The following IGFL2 variants were observed in gnomAD, a reference collection of about 807,000 sequenced individuals.
IGFL2 encodes insulin growth factor-like family member 2.
IGFL2 carries 7 observed loss-of-function variants against 13.9 expected under a neutral mutation model. The ratio of observed to expected loss-of-function variants is 0.51; its 90% CI spans 0.29 to 0.95. The LOEUF is 0.95. Ranked by LOEUF, IGFL2 falls within the 40% of genes least tolerant of loss-of-function variation. IGFL2 has a pLI of 0.08. For synonymous variants in IGFL2, 55 were observed against 55.8 expected (o/e 0.99, Z 0.07); for missense variants, 138 against 147.8 (o/e 0.93, Z 0.34).
At chr19:46,177,101 T>C in the IGFL2 span, among the ~76,000 whole-genome samples, 97 of 145,556 alleles carry the variant, frequency 6.7e-4, 1 homozygote, top group Non-Finnish European at 1.4e-4. Context: ...TGTCCTCTAC[T>C]AAAAAAAAAA....
At chr19:46,145,144 G>T (rs1265045726), upstream of IGFL2, among the ~76,000 whole-genome samples, 1 of 152,136 alleles carries the variant, frequency 6.6e-6, no homozygotes, top group Non-Finnish European at 1.5e-5. Context: ...ATACACAGGA[G>T]TGTGAATGAT....
At chr19:46,160,978 G>A in intron 3 of IGFL2, 92 bp from the exon 4 acceptor site, 1 of 1,542,118 alleles carries the variant, frequency 6.5e-7, no homozygotes, top group Non-Finnish European at 8.9e-7. Flanking sequence ...AAGAGCCCTG[G>A]CCCTGTAGTC....
At chr19:46,087,557 A>T in the IGFL2 span, among the ~76,000 whole-genome samples, 1 of 152,196 alleles carries the variant, frequency 6.6e-6, no homozygotes. Context: ...TGGAATGCTC[A>T]GTTGAGGGCA....
At chr19:46,109,814 G>C in the IGFL2 span, among the ~76,000 whole-genome samples, 2,589 of 152,264 alleles carry the variant, frequency 0.017, 62 homozygotes, top group African/African-American at 0.057. Context: ...ATCAGTTAGG[G>C]TGGGGCAGGA....
At chr19:46,178,068 G>C in the IGFL2 span, among the ~76,000 whole-genome samples, 3 of 152,116 alleles carry the variant, frequency 2.0e-5, no homozygotes, top group Non-Finnish European at 2.9e-5. Context: ...CATGAGGTCA[G>C]GAGTTCGAGA....
chr19:46,160,154 C>T (rs1475878689), intron 1 of IGFL2: 4 of 501,710 alleles, frequency 8.0e-6, no homozygotes, highest in Non-Finnish European at 1.4e-5. Context: ...TGGTAAACTT[C>T]AGCATATTCT....
the IGFL2 span, among the ~76,000 whole-genome samples, chr19:46,168,916 A>ATG: frequency 0.36 from 52,880 of 145,232 alleles, 10,530 homozygotes; most frequent in Non-Finnish European, 0.47. Context: ...GTGTGTGTGT[A>ATG]TGTGTGTGTG....
chr19:46,179,048 G>A, the IGFL2 span, among the ~76,000 whole-genome samples: 1 of 152,174 alleles, frequency 6.6e-6, no homozygotes, highest in African/African-American at 2.4e-5. Flanking sequence ...GGAGAGACGA[G>A]GATAGGTGAG....
chr19:46,140,731 C>A (rs1191955073), upstream of IGFL2, among the ~76,000 whole-genome samples: 1 of 152,170 alleles, frequency 6.6e-6, no homozygotes. Context: ...GACCAGAAAC[C>A]CCTGTGGGAA....
At chr19:46,114,431 T>G in the IGFL2 span, among the ~76,000 whole-genome samples, 1 of 152,192 alleles carries the variant, frequency 6.6e-6, no homozygotes, top group Admixed American at 6.5e-5. Flanking sequence ...AGCCTTTACT[T>G]TCTTATTTGG....
chr19:46,171,200 G>C, the IGFL2 span, among the ~76,000 whole-genome samples: 1 of 152,066 alleles, frequency 6.6e-6, no homozygotes, highest in Non-Finnish European at 1.5e-5. Context: ...TTATTTCTCA[G>C]ACTGGCCGAC....
the IGFL2 span, among the ~76,000 whole-genome samples, chr19:46,083,858 G>A: frequency 2.7e-4 from 41 of 152,258 alleles, no homozygotes; most frequent in African/African-American, 6.7e-4. Flanking sequence ...TCTGATCCTC[G>A]GTTGTTTGGG....
the IGFL2 span, among the ~76,000 whole-genome samples, chr19:46,092,491 G>A: frequency 4.6e-5 from 7 of 152,012 alleles, no homozygotes; most frequent in Admixed American, 2.0e-4. Context: ...AATTAGCTGG[G>A]CTTGGTGATG....
the IGFL2 span, among the ~76,000 whole-genome samples, chr19:46,128,151 A>C: frequency 6.6e-6 from 1 of 152,050 alleles, no homozygotes; most frequent in African/African-American, 2.4e-5. Flanking sequence ...AATGCTAGTG[A>C]TTTTTGTACA....
the IGFL2 span, among the ~76,000 whole-genome samples, chr19:46,115,133 A>T: frequency 6.6e-6 from 1 of 152,180 alleles, no homozygotes. Flanking sequence ...TGGTTTTCGT[A>T]TCACAACTAT....
At chr19:46,202,280 G>A in the IGFL2 span, among the ~76,000 whole-genome samples, 1 of 152,150 alleles carries the variant, frequency 6.6e-6, no homozygotes, top group Admixed American at 6.5e-5. Context: ...GATCTTGTAG[G>A]ATGGGGAAAT....
chr19:46,123,269 A>T, the IGFL2 span, among the ~76,000 whole-genome samples: 2 of 150,896 alleles, frequency 1.3e-5, no homozygotes, highest in African/African-American at 2.5e-5. Flanking sequence ...GTTTTTCTCC[A>T]GGTATCTTAC....
chr19:46,169,622 C>A, the IGFL2 span, among the ~76,000 whole-genome samples: 1 of 151,842 alleles, frequency 6.6e-6, no homozygotes, highest in Admixed American at 6.6e-5. Context: ...CCAAGGTGGG[C>A]GGATCACCTG....
chr19:46,137,727 T>G, the IGFL2 span, among the ~76,000 whole-genome samples: 1 of 152,196 alleles, frequency 6.6e-6, no homozygotes, highest in Admixed American at 6.5e-5. Context: ...TAAAAAATGC[T>G]TTTTTAAATT....
Sources: allele counts gnomAD v4.1 joint callset (sites outside exome capture counted in the v4.1 genomes callset), GRCh38; gene constraint gnomAD v4.1.1; transcripts MANE v1.5; gene names NCBI Gene and HGNC (gene_info 2026-07-23, HGNC 2026-07-21).